Variants in ORC3 observed in about 807,000 individuals in gnomAD.
The protein encoded by ORC3 is origin recognition complex subunit 3, also known as homolog of latheo, Drosophila.
Under a neutral mutation model 100.7 loss-of-function variants are expected in ORC3, and 78 were observed. The ratio of observed to expected loss-of-function variants is 0.77; its 90% CI spans 0.65 to 0.94. The LOEUF is 0.94. Among genes scored for constraint, ORC3 ranks in the 40% least tolerant of loss-of-function variants. ORC3 has a pLI of 0.00. For synonymous variants in ORC3, 295 were observed against 289.3 expected, an observed-to-expected ratio of 1.02 and a Z score of -0.20; for missense variants, 789 against 823.9, an observed-to-expected ratio of 0.96 and a Z score of 0.52.
chr6:87,628,717 C>T (rs1780097956), intron 11 of ORC3, among the ~76,000 whole-genome samples: 1 of 152,116 alleles, frequency 6.6e-6, no homozygotes, highest in African/African-American at 2.4e-5. Context: ...GTTTAGTATG[C>T]TTATCATAGT....
At chr6:87,651,229 T>C (rs1028261548) in intron 13 of ORC3, 1 of 456,190 alleles carries the variant, frequency 2.2e-6, no homozygotes, top group African/African-American at 2.0e-5. Flanking sequence ...GGACAAGAGC[T>C]GTTGCTGCCC....
rs1406882760 is a variant in ORC3, at chr6:87,612,262, GT to G, written c.873+18del. The G allele has an allele frequency of 1.3e-5, 20 of 1,566,528 alleles. No homozygotes were observed. Among genetic ancestry groups the G allele is most frequent in the Non-Finnish European group, 1.6e-5 (18 of 1,156,702 alleles). On this transcript the variant is annotated intron_variant, in intron 8 of 19. Transcript: ENST00000392844. Reference sequence around the variant, plus strand: ...GTACTCGATAAGGTAAAAAGAATAAGTTTTACCAGTGAAATAGGATGAAAAG... The same window carrying G: ...GTACTCGATAAGGTAAAAAGAATAAGTTTACCAGTGAAATAGGATGAAAAG...
chr6:87,653,334 C>A, intron 14 of ORC3, 85 bp downstream of exon 14: 1 of 1,288,338 alleles, frequency 7.8e-7, no homozygotes, highest in Non-Finnish European at 1.1e-6. Flanking sequence ...TTCTGATGTG[C>A]TTAGAGATAA....
intron 2 of ORC3, among the ~76,000 whole-genome samples, chr6:87,599,410 C>G (rs1777716777): frequency 6.6e-6 from 1 of 151,098 alleles, no homozygotes; most frequent in African/African-American, 2.4e-5. Flanking sequence ...CTCTGTCGCC[C>G]AGGCTGGAGT....
intron 4 of ORC3, among the ~76,000 whole-genome samples, chr6:87,604,240 A>ATTCAAGATT (rs1340307767): frequency 6.6e-6 from 1 of 152,228 alleles, no homozygotes; most frequent in Non-Finnish European, 1.5e-5. Context: ...AAGATTTGTT[A>ATTCAAGATT]TGCTAGTTAG....
In ORC3 at chr6:87,667,024, G is replaced by T. The variant is rs775883372; in HGVS notation, c.2037G>T (p.Arg679=). The T allele has an allele frequency of 6.2e-7, 1 of 1,605,408 alleles. No homozygotes were observed. The highest frequency in any genetic ancestry group is 1.1e-5 in the South Asian group (1 of 89,344). Residue 679 remains arginine, a synonymous_variant, in exon 20 of 20, where the codon CGG becomes CGT. Transcript: ENST00000392844. ...CCTTAATTAAAGCCTCCAGTGCTCG[G>T]TTTATTAGAGCTGTTTCTGAACTAG... ...SEEMNEIIHA[R]FIRAVSELEL... is the part of the protein sequence containing the mutation.
intron 9 of ORC3, among the ~76,000 whole-genome samples, chr6:87,618,584 A>G (rs1258196781): frequency 6.6e-6 from 1 of 152,224 alleles, no homozygotes; most frequent in African/African-American, 2.4e-5. Context: ...GCCAGGTCAG[A>G]ATTTCAGGCA....
chr6:87,603,953 T>A (rs1778156512), intron 4 of ORC3, among the ~76,000 whole-genome samples: 1 of 152,178 alleles, frequency 6.6e-6, no homozygotes, highest in Non-Finnish European at 1.5e-5. Context: ...CTGTGCATAG[T>A]TTTTCCATCT....
intron 17 of ORC3, 46 bp from the exon 18 acceptor site, chr6:87,664,697 A>C: frequency 6.9e-7 from 1 of 1,450,524 alleles, no homozygotes; most frequent in Non-Finnish European, 9.7e-7. Context: ...TTTTATTCCT[A>C]ATAATTTATA....
intron 7 of ORC3, among the ~76,000 whole-genome samples, chr6:87,610,459 T>C (rs1208967325): frequency 6.6e-6 from 1 of 152,106 alleles, no homozygotes; most frequent in Non-Finnish European, 1.5e-5. Flanking sequence ...TCTGCCTTCC[T>C]TAGTGCTCTT....
intron 9 of ORC3, among the ~76,000 whole-genome samples, chr6:87,619,913 C>G (rs1779418844): frequency 6.6e-6 from 1 of 152,192 alleles, no homozygotes; most frequent in Non-Finnish European, 1.5e-5. Context: ...CCAGGCTGGT[C>G]TCAAACTCCT....
intron 3 of ORC3, among the ~76,000 whole-genome samples, chr6:87,602,905 T>TTA (rs1554236420): frequency 0.11 from 14,897 of 131,512 alleles, 1,198 homozygotes; most frequent in African/African-American, 0.2. Context: ...CATATATATA[T>TTA]TATATATTAT....
intron 13 of ORC3, chr6:87,651,105 T>G: frequency 2.2e-6 from 1 of 453,390 alleles, no homozygotes; most frequent in Middle Eastern, 3.3e-4. Flanking sequence ...TTAAGAGTTA[T>G]GACTAATGAA....
rs866479145 is a variant in ORC3, at chr6:87,621,408, C to A, written c.1042C>A (p.Leu348Ile). The change falls in exon 10 of 20, where the codon CTT (leucine) becomes ATT (isoleucine). Residue 348 changes from leucine (L) to isoleucine (I), a missense_variant. Physicochemically the swap from Leu to Ile is conservative, Grantham distance 5. Transcript: ENST00000392844. ...GCCCTTAAGTGTCCTGTGCTGTAAT[C>A]TTCCAGAAGCCAAAAGAAGAATAAA... ...SQPLSVLCCNLPEAKRRINFL... is the reference protein window; with the variant it reads ...SQPLSVLCCNIPEAKRRINFL... 6.2e-7 allele frequency: 1 copy of A among 1,601,890 alleles called. No individual in the cohort carries two copies. The highest frequency in any genetic ancestry group is 1.3e-5 in the African/African-American group (1 of 74,120).
chr6:87,602,954 AAT>A lies in ORC3; in HGVS notation c.178-414_178-413del, dbSNP rs397935596. On this transcript the variant is annotated intron_variant, in intron 3 of 19. Transcript: ENST00000392844. ...CGTTTATATATATATACACATATAT[AAT>A]ATATATATATATATACATATATATA... 3.6e-4 allele frequency among the ~76,000 whole-genome samples: 34 copies of A among 95,258 alleles called. 2 individuals are homozygous for A. The highest frequency in any genetic ancestry group is 9.7e-4 in the African/African-American group (23 of 23,758). 62.5% of individuals were successfully genotyped at this position (95,258 alleles called of 152,430 possible). A position where few individuals can be genotyped will look rare whatever the true frequency, so the allele number is the denominator to read the frequency against.
chr6:87,610,357 C>T (rs571979146), intron 7 of ORC3, among the ~76,000 whole-genome samples: 3 of 151,714 alleles, frequency 2.0e-5, no homozygotes, highest in Admixed American at 6.6e-5. Flanking sequence ...TACAGGTGCC[C>T]GCTGCCACGC....
At chr6:87,623,762 T>C (rs1481670386) in intron 11 of ORC3, among the ~76,000 whole-genome samples, 1 of 152,112 alleles carries the variant, frequency 6.6e-6, no homozygotes, top group Non-Finnish European at 1.5e-5. Flanking sequence ...CGCATGCCTG[T>C]AGTCCCAGCT....
chr6:87,675,662 A>C, the ORC3 span: 7 of 1,602,642 alleles, frequency 4.4e-6, no homozygotes, highest in African/African-American at 9.4e-5. Flanking sequence ...ATCCAAACGA[A>C]TACTAGATCT....
chr6:87,649,468 C>G (rs985168103), intron 13 of ORC3, among the ~76,000 whole-genome samples: 2 of 152,222 alleles, frequency 1.3e-5, no homozygotes, highest in Non-Finnish European at 2.9e-5. Context: ...AAATTTACGG[C>G]CAGGCGCCAT....
Sources: gnomAD v4.1 joint callset for allele counts (sites outside exome capture counted in the v4.1 genomes callset) on GRCh38, gnomAD v4.1.1 for gene constraint, MANE v1.5 for transcripts, NCBI Gene and HGNC (gene_info 2026-07-23, HGNC 2026-07-21) for gene names.